Variants in SLC6A18 observed in about 807,000 individuals in gnomAD.
SLC6A18 encodes the protein solute carrier family 6 member 18, also known as inactive sodium-dependent neutral amino acid transporter B(0)AT3.
In SLC6A18, 58 loss-of-function variants were observed where a neutral mutation model predicts 62.9. That is an observed-to-expected ratio of 0.92 (90% CI 0.75 to 1.15). The LOEUF (loss-of-function observed/expected upper bound fraction) is 1.15, where lower values mean the gene tolerates loss of function less well. SLC6A18 is among the 50% of genes most tolerant of loss of function. The pLI is 0.00. For missense variants in SLC6A18, 793 were observed against 836.6 expected (o/e 0.95, Z 0.64); for synonymous variants, 382 against 365.8 (o/e 1.04, Z -0.51).
intron 9 of SLC6A18, 36 bp from the exon 10 acceptor site, chr5:1,244,178 C>CCCCCTTCCCCCCCCCCCCCCTT: frequency 5.1e-6 from 3 of 593,890 alleles, no homozygotes; most frequent in Non-Finnish European, 9.3e-6. Flanking sequence ...CACTCCCCAT[C>CCCCCTTCCCCCCCCCCCCCCTT]CCCTTACCCC....
At chr5:1,236,588 T>C (rs1746888761) in intron 4 of SLC6A18, among the ~76,000 whole-genome samples, 1 of 152,176 alleles carries the variant, frequency 6.6e-6, no homozygotes, top group Non-Finnish European at 1.5e-5. Context: ...TACCCTGTAT[T>C]CTCTAGTGTG....
At chr5:1,226,114 G>A (rs12519229) in intron 1 of SLC6A18, among the ~76,000 whole-genome samples, 42,503 of 152,070 alleles carry the variant, frequency 0.28, 6,098 homozygotes, top group East Asian at 0.34. Context: ...CCCACCCCTC[G>A]CCTCCCTGGC....
intron 2 of SLC6A18, 35 bp from the exon 3 acceptor site, chr5:1,232,716 G>T: frequency 6.4e-7 from 1 of 1,574,092 alleles, no homozygotes. Flanking sequence ...CTGGGAAGGA[G>T]CCCCGGGGCC....
chr5:1,236,533 C>T (rs1746887143), intron 4 of SLC6A18, among the ~76,000 whole-genome samples: 1 of 152,214 alleles, frequency 6.6e-6, no homozygotes, highest in Admixed American at 6.5e-5. Context: ...ACCAGTAGAA[C>T]CTGAGCCTCC....
intron 4 of SLC6A18, 115 bp from the exon 5 acceptor site, chr5:1,237,835 C>A: frequency 1.3e-6 from 1 of 779,480 alleles, no homozygotes; most frequent in South Asian, 1.7e-5. Flanking sequence ...CAATCCCATA[C>A]CAGAGGCAGC....
At chr5:1,230,064 G>A (rs192731191) in intron 1 of SLC6A18, among the ~76,000 whole-genome samples, 7 of 151,206 alleles carry the variant, frequency 4.6e-5, no homozygotes, top group African/African-American at 1.7e-4. Flanking sequence ...AGGGAAAAGG[G>A]GCTCTCACAG....
rs1290921691 is a variant in SLC6A18 at position 1,232,202 on chromosome 5, C to T, written c.161-17C>T. ...GCCCCCGACCCTGGGCAGGTGCTGA[C>T]CACCCCCTCCTCACAGGGGCCTTCC... On this transcript the variant is annotated splice_polypyrimidine_tract_variant and intron_variant, in intron 1 of 11. Transcript: ENST00000324642. The T allele has an allele frequency of 2.5e-6, 4 of 1,606,130 alleles. No individual in the cohort carries two copies. The African/African-American group carries it at 5.3e-5, about 21-fold the overall frequency.
intron 3 of SLC6A18, 76 bp downstream of exon 3, chr5:1,232,964 G>A: frequency 6.5e-7 from 1 of 1,528,612 alleles, no homozygotes; most frequent in East Asian, 2.3e-5. Flanking sequence ...TCCAGCATCA[G>A]AGCAGCTGCG....
At chr5:1,236,296 G>T (rs1746882247) in intron 4 of SLC6A18, among the ~76,000 whole-genome samples, 1 of 151,954 alleles carries the variant, frequency 6.6e-6, no homozygotes, top group Non-Finnish European at 1.5e-5. Context: ...GTGATCTTGG[G>T]GCATTCTATG....
Position 1,232,478 on chromosome 5 carries a change from C to T in SLC6A18, c.301+119C>T, listed in dbSNP as rs532004595. The T allele has an allele frequency of 9.8e-5, 134 of 1,364,600 alleles. 2 individuals are homozygous for T. In the South Asian group the frequency reaches 1.6e-3, roughly 17 times the overall value. The allele number at this position is 1,364,600 out of a possible 1,614,324, so 84.5% of individuals were successfully genotyped here. On this transcript the variant is annotated intron_variant, in intron 2 of 11. Coordinates refer to ENST00000324642, the MANE Select transcript of SLC6A18 (RefSeq NM_182632.3). ...TACGGAAGCGGCCAGGCCAGGCCGG[C>T]GGGTGGGGTGGCAGGGAGCCCTTGG... is the stretch of plus-strand genomic sequence containing the variant.
rs1270089625 is a variant in SLC6A18 at position 1,235,468 on chromosome 5, C to G, written c.440-13C>G. 1 of 1,611,418 alleles carries G rather than the reference C, an allele frequency of 6.2e-7. No homozygotes were observed. Among genetic ancestry groups the G allele is most frequent in the African/African-American group, 1.3e-5 (1 of 75,016 alleles). ...GCCCCACAGCCAGCCTGTGACAGGCCCCCTGGTTTCAGGGTTTGTGGAGGA... is the reference window on the plus strand; with the variant it reads ...GCCCCACAGCCAGCCTGTGACAGGCGCCCTGGTTTCAGGGTTTGTGGAGGA... On this transcript the variant is annotated splice_polypyrimidine_tract_variant and intron_variant, in intron 3 of 11. Transcript: ENST00000324642.
At chr5:1,240,440 T>G in intron 6 of SLC6A18, 91 bp from the exon 7 acceptor site, 1 of 1,560,452 alleles carries the variant, frequency 6.4e-7, no homozygotes. Context: ...GGAGAGAGGG[T>G]CAAGGAGGGA....
chr5:1,244,186 C>CCAAA, intron 9 of SLC6A18, 28 bp from the exon 10 acceptor site: 1 of 1,071,002 alleles, frequency 9.3e-7, no homozygotes, highest in Non-Finnish European at 1.4e-6. Flanking sequence ...ATCCCCTTAC[C>CCAAA]CCCCACACCC....
rs575027865 is a variant in SLC6A18, at chr5:1,243,386, C to T, written c.1132-169C>T. On this transcript the variant is annotated intron_variant, in intron 8 of 11. Coordinates refer to ENST00000324642, the MANE Select transcript of SLC6A18 (RefSeq NM_182632.3). This position sits in a 1 kb window ranked among gnomAD's most constrained non-coding sequence, Gnocchi z 6.5. ...CCCTGCAGAGTTGCGCTTGCAGCCT[C>T]GTCTCCCAGAAGGCATGGCCAGCCC... Among the ~76,000 whole-genome samples the T allele has an allele frequency of 9.1e-4, 138 of 152,292 alleles. No individual in the cohort carries two copies. Among genetic ancestry groups the T allele is most frequent in the Non-Finnish European group, 6.9e-4 (47 of 68,012 alleles).
Position 1,243,899 on chromosome 5 carries a change from C to A in SLC6A18, c.1336+140C>A. The A allele has an allele frequency of 1.1e-6, 1 of 891,216 alleles. No homozygotes were observed. The highest frequency in any genetic ancestry group is 1.8e-5 in the South Asian group (1 of 56,210). 55.2% of individuals were successfully genotyped at this position (891,216 alleles called of 1,614,324 possible). ...TTCAGGGAAAGGCTGAGCCAGGCTA[C>A]TCCTTGCTGACAGCCATCAACGGAG... On this transcript the variant is annotated intron_variant, in intron 9 of 11. Coordinates refer to ENST00000324642, the MANE Select transcript of SLC6A18 (RefSeq NM_182632.3). The surrounding 1 kb of genome is among the most constrained non-coding windows in gnomAD (Gnocchi z 6.5).
intron 3 of SLC6A18, among the ~76,000 whole-genome samples, chr5:1,233,900 C>G (rs1407587535): frequency 6.6e-6 from 1 of 152,078 alleles, no homozygotes; most frequent in Non-Finnish European, 1.5e-5. Context: ...TGCCACCAGG[C>G]CTGGCTAATT....
In SLC6A18 at chr5:1,244,695, G is replaced by A; in HGVS notation, c.1584G>A (p.Leu528=). The A allele has an allele frequency of 6.2e-7, 1 of 1,613,302 alleles. No individual in the cohort carries two copies. The highest frequency in any genetic ancestry group is 8.5e-7 in the Non-Finnish European group (1 of 1,179,362). The change falls in exon 11 of 12, where the codon CTG becomes CTA. Residue 528 remains leucine, a synonymous_variant. Coordinates refer to ENST00000324642, the MANE Select transcript of SLC6A18 (RefSeq NM_182632.3). ...LTWRVVSPLL[L]TIFVAYIILL... ...GGAGGGTGGTCAGTCCCCTGCTGCTGACCATCTTTGTGGCTTACATCATCC... is the reference window on the plus strand; with the variant it reads ...GGAGGGTGGTCAGTCCCCTGCTGCTAACCATCTTTGTGGCTTACATCATCC...
chr5:1,233,861 C>T (rs1470705859), intron 3 of SLC6A18, among the ~76,000 whole-genome samples: 4 of 152,018 alleles, frequency 2.6e-5, no homozygotes, highest in Admixed American at 6.5e-5. Flanking sequence ...CCTGCCTCAG[C>T]CTCCCAAATA....
intron 1 of SLC6A18, among the ~76,000 whole-genome samples, chr5:1,229,018 C>T (rs1746655548): frequency 2.0e-5 from 3 of 152,248 alleles, no homozygotes; most frequent in Non-Finnish European, 2.9e-5. Context: ...GACCCGTGCC[C>T]ACGCAGGCCG....
Sources: allele counts gnomAD v4.1 joint callset (sites outside exome capture counted in the v4.1 genomes callset), GRCh38; gene constraint gnomAD v4.1.1; non-coding constraint Gnocchi (gnomAD v3.1); transcripts MANE v1.5; gene names NCBI Gene and HGNC (gene_info 2026-07-23, HGNC 2026-07-21).